Variants in PDIA5 observed in about 807,000 individuals in gnomAD.
PDIA5 encodes the protein protein disulfide isomerase family A member 5.
A neutral mutation model predicts 77.6 loss-of-function variants in PDIA5; 58 were observed. The ratio of observed to expected loss-of-function variants is 0.75; its 90% CI spans 0.61 to 0.93. The LOEUF (loss-of-function observed/expected upper bound fraction) is 0.93, where lower values mean the gene tolerates loss of function less well. Among genes scored for constraint, PDIA5 ranks in the 40% least tolerant of loss-of-function variants. The pLI is 0.00. For missense variants in PDIA5, 630 were observed against 647.7 expected (o/e 0.97, Z 0.30); for synonymous variants, 250 against 252.1 (o/e 0.99, Z 0.08).
intron 11 of PDIA5, among the ~76,000 whole-genome samples, chr3:123,137,625 C>T (rs549866004): frequency 5.3e-5 from 8 of 152,228 alleles, no homozygotes; most frequent in South Asian, 2.1e-4. Context: ...ATAAAAAATT[C>T]GTGAATTTGA....
At chr3:123,141,314 T>G (rs1190600833) in intron 11 of PDIA5, among the ~76,000 whole-genome samples, 2 of 149,646 alleles carry the variant, frequency 1.3e-5, no homozygotes, top group African/African-American at 5.1e-5. Context: ...AGCCTCTCTT[T>G]CCTGCCTCTC....
intron 11 of PDIA5, among the ~76,000 whole-genome samples, chr3:123,134,732 G>A (rs1022714867): frequency 2.6e-5 from 4 of 152,200 alleles, no homozygotes; most frequent in South Asian, 2.1e-4. Context: ...GGGCAGCCAC[G>A]GTGCTAGGCC....
intron 10 of PDIA5, among the ~76,000 whole-genome samples, chr3:123,125,850 G>C (rs1458914513): frequency 6.6e-6 from 1 of 152,182 alleles, no homozygotes. Flanking sequence ...TGCCTGGGAA[G>C]GCTGCTGCCC....
chr3:123,128,034 C>T (rs9820435), intron 10 of PDIA5, among the ~76,000 whole-genome samples: 79,116 of 152,056 alleles, frequency 0.52, 21,472 homozygotes, highest in Non-Finnish European at 0.59. Context: ...CCTCTCTTCC[C>T]AGTACATCCT....
rs547172762 is a variant in PDIA5 at position 123,130,609 on chromosome 3, C to T, written c.903C>T (p.His301=). Residue 301 remains histidine, a synonymous_variant, in exon 11 of 17, where the codon CAC becomes CAT. Coordinates refer to ENST00000316218, the MANE Select transcript of PDIA5 (RefSeq NM_006810.4). ...KEHSSVLVMF[H]APWCGHCKKM... The stretch of plus-strand genomic sequence containing the variant: ...ACTCCTCTGTCCTCGTCATGTTCCA[C>T]GCCCCATGTGAGTGGAACTTTGCTC... The T allele has an allele frequency of 1.5e-5, 25 of 1,614,056 alleles. No individual in the cohort carries two copies. The highest frequency in any genetic ancestry group is 7.7e-5 in the South Asian group (7 of 91,072).
At chr3:123,092,287 G>A in intron 2 of PDIA5, 68 bp from the exon 3 acceptor site, 2 of 1,294,222 alleles carry the variant, frequency 1.5e-6, no homozygotes, top group Non-Finnish European at 2.2e-6. Context: ...TCACCCCTGA[G>A]GGAAGATAGC....
intron 7 of PDIA5, among the ~76,000 whole-genome samples, chr3:123,111,942 G>A (rs771229230): frequency 6.6e-6 from 1 of 151,974 alleles, no homozygotes; most frequent in African/African-American, 2.4e-5. Flanking sequence ...GCAAATTATG[G>A]CCCACGGGCC....
In PDIA5 at chr3:123,106,821, G is replaced by A; in HGVS notation, c.460G>A (p.Val154Ile). 1 of 1,611,520 alleles carries A rather than the reference G, an allele frequency of 6.2e-7. No individual in the cohort carries two copies. The highest frequency in any genetic ancestry group is 8.5e-7 in the Non-Finnish European group (1 of 1,178,698). Reference sequence around the variant, plus strand: ...GGAAGATCCTGGAGCCAAAGATGTTGTCCACCTTGACAGTGAAAAGGTAAT... The same window carrying A: ...GGAAGATCCTGGAGCCAAAGATGTTATCCACCTTGACAGTGAAAAGGTAAT... ...WEEDPGAKDV[V>I]HLDSEKDFRR... The change falls in exon 6 of 17, where the codon GTC becomes ATC. Residue 154 changes from valine (V) to isoleucine (I), a missense_variant. Coordinates refer to ENST00000316218, the MANE Select transcript of PDIA5 (RefSeq NM_006810.4).
At chr3:123,096,938 G>A (rs755057723) in intron 3 of PDIA5, among the ~76,000 whole-genome samples, 3 of 152,184 alleles carry the variant, frequency 2.0e-5, no homozygotes, top group East Asian at 1.9e-4. Flanking sequence ...GCTAATTCCC[G>A]AGGCTGCGTC....
At chr3:123,069,069 T>A (rs1933660981) in intron 1 of PDIA5, among the ~76,000 whole-genome samples, 1 of 152,194 alleles carries the variant, frequency 6.6e-6, no homozygotes. Context: ...TTCTATCTTC[T>A]CCTTTCCCTA....
At chr3:123,150,420 A>G in intron 14 of PDIA5, 56 bp downstream of exon 14, 2 of 1,550,410 alleles carry the variant, frequency 1.3e-6, no homozygotes, top group East Asian at 2.3e-5. Flanking sequence ...GGCCCCACCA[A>G]ACCAAAAAGA....
chr3:123,099,386 T>C (rs566610677), intron 3 of PDIA5, among the ~76,000 whole-genome samples: 1 of 152,324 alleles, frequency 6.6e-6, no homozygotes, highest in South Asian at 2.1e-4. Flanking sequence ...ACGGAGCACA[T>C]GTTTCTGGAG....
intron 12 of PDIA5, among the ~76,000 whole-genome samples, 172 bp from the exon 13 acceptor site, chr3:123,145,927 G>A (rs879324781): frequency 1.3e-5 from 2 of 151,780 alleles, no homozygotes; most frequent in African/African-American, 2.4e-5. Context: ...GAGAAATGAT[G>A]GCCGTGCCAA....
At chr3:123,135,845 A>G (rs1935489993) in intron 11 of PDIA5, among the ~76,000 whole-genome samples, 1 of 144,048 alleles carries the variant, frequency 6.9e-6, no homozygotes. Context: ...AAAAGAGGAT[A>G]CCATAAAATC....
intron 3 of PDIA5, among the ~76,000 whole-genome samples, chr3:123,094,073 A>G (rs1199738679): frequency 6.6e-6 from 1 of 152,252 alleles, no homozygotes; most frequent in Non-Finnish European, 1.5e-5. Context: ...CATGATGTCT[A>G]GAGTCAATAA....
At chr3:123,072,305 G>A (rs1045569228) in intron 1 of PDIA5, among the ~76,000 whole-genome samples, 1 of 152,190 alleles carries the variant, frequency 6.6e-6, no homozygotes, top group Admixed American at 6.5e-5. Context: ...TGGTGGTAAT[G>A]ATATCCATCT....
intron 1 of PDIA5, among the ~76,000 whole-genome samples, chr3:123,076,769 C>T (rs939552747): frequency 3.3e-5 from 5 of 152,208 alleles, no homozygotes; most frequent in South Asian, 2.1e-4. Context: ...AGTTCTTCCT[C>T]GTTAACAGGC....
chr3:123,131,493 C>T (rs976723839), intron 11 of PDIA5, among the ~76,000 whole-genome samples: 8 of 151,146 alleles, frequency 5.3e-5, no homozygotes, highest in Non-Finnish European at 1.2e-4. Context: ...GCAGTAGTCA[C>T]CTCTTACCTT....
chr3:123,139,475 G>C (rs1935574593), intron 11 of PDIA5, among the ~76,000 whole-genome samples: 1 of 152,216 alleles, frequency 6.6e-6, no homozygotes. Context: ...CAGGGTCAGA[G>C]GGAATTGATG....
Sources: gnomAD v4.1 joint callset for allele counts (sites outside exome capture counted in the v4.1 genomes callset) on GRCh38, gnomAD v4.1.1 for gene constraint, MANE v1.5 for transcripts, NCBI Gene and HGNC (gene_info 2026-07-23, HGNC 2026-07-21) for gene names.